SLCO3A1: variants seen among roughly 807,000 people sequenced by gnomAD.
SLCO3A1 encodes solute carrier organic anion transporter family member 3A1.
Under a neutral mutation model 63.1 loss-of-function variants are expected in SLCO3A1, and 27 were observed. The ratio of observed to expected loss-of-function variants is 0.43; its 90% confidence interval spans 0.32 to 0.59. The LOEUF is 0.59. Among genes scored for constraint, SLCO3A1 ranks in the 20% least tolerant of loss-of-function variants. The pLI is 0.09. For missense variants in SLCO3A1, 773 were observed against 945.8 expected, an observed-to-expected ratio of 0.82 and a Z score of 2.40; for synonymous variants, 473 against 409.9, an observed-to-expected ratio of 1.15 and a Z score of -1.86.
chr15:91,959,519 C>T (rs922015336), intron 2 of SLCO3A1, among the ~76,000 whole-genome samples: 4 of 151,756 alleles, frequency 2.6e-5, no homozygotes, highest in Non-Finnish European at 4.4e-5. Context: ...CGCCTGAGGT[C>T]GGGAATTTGA....
rs1007007214 is a variant in SLCO3A1 at position 91,957,302 on chromosome 15, C to T, written c.646+40844C>T. Among the ~76,000 whole-genome samples the T allele has an allele frequency of 1.0e-4, 15 of 147,688 alleles. No homozygotes were observed. The Admixed American group carries it at 1.1e-3, about 10-fold the overall frequency. ...CCTTGACTTCTAACTGAAAACCCTT[C>T]TGTCTCTTCTGTAGATTTCAGCCGC... On this transcript the variant is annotated intron_variant, in intron 2 of 9. Coordinates refer to ENST00000318445, the MANE Select transcript of SLCO3A1 (RefSeq NM_013272.4).
In SLCO3A1 at chr15:91,916,606, G is replaced by A; in HGVS notation, c.646+148G>A. 1 of 648,116 alleles carries A rather than the reference G, an allele frequency of 1.5e-6. No homozygotes were observed. The highest frequency in any genetic ancestry group is 2.6e-6 in the Non-Finnish European group (1 of 389,298). The allele number at this position is 648,116 out of a possible 1,614,324, so 40.1% of individuals were successfully genotyped here. On this transcript the variant is annotated intron_variant, in intron 2 of 9. Transcript: ENST00000318445. The surrounding 1 kb of genome is among the most constrained non-coding windows in gnomAD (Gnocchi z 6.2). ...TTCTTGAAAAATACTCATGCCTGGG[G>A]GTGCAACCTGGGCATTGAGACGTTT... is the stretch of plus-strand genomic sequence containing the variant.
chr15:92,164,660 T>C lies in SLCO3A1; in HGVS notation c.*1525T>C. On this transcript the variant is annotated 3_prime_UTR_variant, in exon 10 of 10. Coordinates refer to ENST00000318445, the MANE Select transcript of SLCO3A1 (RefSeq NM_013272.4). ...ACAAGCTCCTGGAAGCTGTCGTGTG[T>C]CCAATGCGTGAAAATGTCTGTGACA... 2.0e-6 allele frequency: 2 copies of C among 985,368 alleles called. No individual in the cohort carries two copies. The highest frequency in any genetic ancestry group is 2.4e-6 in the Non-Finnish European group (2 of 829,922). The allele number at this position is 985,368 out of a possible 1,614,324, so 61.0% of individuals were successfully genotyped here.
At chr15:92,148,110 A>AG (rs1445334309) in intron 8 of SLCO3A1, among the ~76,000 whole-genome samples, 1 of 152,218 alleles carries the variant, frequency 6.6e-6, no homozygotes, top group Non-Finnish European at 1.5e-5. Context: ...TGGGAGGCTG[A>AG]GGCAGGAGAA....
intron 2 of SLCO3A1, among the ~76,000 whole-genome samples, chr15:92,000,010 T>C (rs927066315): frequency 6.6e-6 from 1 of 152,212 alleles, no homozygotes; most frequent in African/African-American, 2.4e-5. Flanking sequence ...ATGTATAAGA[T>C]AGAATACTAT....
rs745409648 is a variant in SLCO3A1, at chr15:91,916,422, G to C, written c.610G>C (p.Asp204His). Residue 204 changes from aspartate to histidine, a missense_variant, in exon 2 of 10, where the codon GAC becomes CAC. Around this residue, in one of 3 missense-constraint regions of SLCO3A1, gnomAD observed 565 missense variants for 749.8 expected, o/e 0.75. Coordinates refer to ENST00000318445, the MANE Select transcript of SLCO3A1 (RefSeq NM_013272.4). This position sits in a 1 kb window ranked among gnomAD's most constrained non-coding sequence, Gnocchi z 6.2. ...VQPLGVSYID[D>H]HVRRKDSSLY... The stretch of plus-strand genomic sequence containing the variant: ...GCCCCTGGGCGTCTCCTACATCGAC[G>C]ACCACGTGCGGAGGAAGGACTCCTC... 1 of 1,612,422 alleles carries C rather than the reference G, an allele frequency of 6.2e-7. No homozygotes were observed. The highest frequency in any genetic ancestry group is 8.5e-7 in the Non-Finnish European group (1 of 1,179,612).
downstream of SLCO3A1, among the ~76,000 whole-genome samples, chr15:92,169,269 G>C (rs886870599): frequency 3.3e-5 from 5 of 152,152 alleles, no homozygotes; most frequent in African/African-American, 1.2e-4. Context: ...TCAAACCCAG[G>C]TCTGTGAAAA....
At chr15:92,060,739 A>G (rs544091604) in intron 2 of SLCO3A1, among the ~76,000 whole-genome samples, 2 of 152,170 alleles carry the variant, frequency 1.3e-5, no homozygotes, top group South Asian at 4.1e-4. Flanking sequence ...AGCTCAGGCA[A>G]TCTGCCCGCC....
chr15:92,015,273 A>G (rs2046412607), intron 2 of SLCO3A1, among the ~76,000 whole-genome samples: 1 of 152,266 alleles, frequency 6.6e-6, no homozygotes, highest in Admixed American at 6.5e-5. Context: ...ATACTACCTC[A>G]GACTGGGTAA....
At chr15:91,951,522 G>T (rs186154050) in intron 2 of SLCO3A1, among the ~76,000 whole-genome samples, 21 of 149,744 alleles carry the variant, frequency 1.4e-4, no homozygotes, top group Admixed American at 5.3e-4. Flanking sequence ...GATCACTCGT[G>T]TATAATTTTC....
rs904255958 is a variant in SLCO3A1 at position 92,164,559 on chromosome 15, G to A, written c.*1424G>A. 2.7e-5 allele frequency: 27 copies of A among 985,108 alleles called. No individual in the cohort carries two copies. The African/African-American group carries it at 3.2e-4, about 11-fold the overall frequency. The allele number at this position is 985,108 out of a possible 1,614,324, so 61.0% of individuals were successfully genotyped here. A position where few individuals can be genotyped will look rare whatever the true frequency, so the allele number is the denominator to read the frequency against. On this transcript the variant is annotated 3_prime_UTR_variant, in exon 10 of 10. Transcript: ENST00000318445. ...TTGTGTGTATGGGTGCAACACTTCC[G>A]GGGATAGGAAAGAAGAACAGTTCCC...
intron 9 of SLCO3A1, among the ~76,000 whole-genome samples, chr15:92,158,299 A>G (rs956972871): frequency 1.3e-5 from 2 of 152,160 alleles, no homozygotes; most frequent in African/African-American, 4.8e-5. Flanking sequence ...GGGTAAATAA[A>G]ATGTTCTCTG....
rs1408181079 is a variant in SLCO3A1, at chr15:91,912,352, C to T, written c.181-3641C>T. On this transcript the variant is annotated intron_variant, in intron 1 of 9. Transcript: ENST00000318445. The surrounding 1 kb of genome is among the most constrained non-coding windows in gnomAD (Gnocchi z 5.0). ...ATTTCAGAATCTTTGCATGACTTCC[C>T]AGACTGGCATTGCAGCCCAGCAGAA... Among the ~76,000 whole-genome samples the T allele has an allele frequency of 1.3e-5, 2 of 152,156 alleles. No homozygotes were observed. The highest frequency in any genetic ancestry group is 2.9e-5 in the Non-Finnish European group (2 of 68,028).
intron 2 of SLCO3A1, among the ~76,000 whole-genome samples, chr15:92,060,857 C>G (rs2047078903): frequency 6.6e-6 from 1 of 152,090 alleles, no homozygotes. Flanking sequence ...TTGTTAAAAA[C>G]TAAGATAAAA....
At chr15:92,110,998 G>A (rs2047722363) in intron 4 of SLCO3A1, among the ~76,000 whole-genome samples, 3 of 152,178 alleles carry the variant, frequency 2.0e-5, no homozygotes, top group Admixed American at 2.0e-4. Context: ...GCCAGCCCTG[G>A]TGCCAAAACT....
chr15:91,981,633 A>G (rs553735198), intron 2 of SLCO3A1, among the ~76,000 whole-genome samples: 17 of 152,272 alleles, frequency 1.1e-4, no homozygotes, highest in Non-Finnish European at 1.8e-4. Flanking sequence ...AAAATTTCAC[A>G]AACTACCCCT....
chr15:91,981,643 TC>T (rs1194279590), intron 2 of SLCO3A1, among the ~76,000 whole-genome samples: 5 of 152,034 alleles, frequency 3.3e-5, no homozygotes, highest in African/African-American at 1.2e-4. Flanking sequence ...AAACTACCCC[TC>T]CCTTTGGGCC....
chr15:92,091,640 A>G (rs2047478313), intron 2 of SLCO3A1, among the ~76,000 whole-genome samples: 1 of 152,150 alleles, frequency 6.6e-6, no homozygotes, highest in Non-Finnish European at 1.5e-5. Flanking sequence ...ACGTCCCACC[A>G]CCGGACTGTC....
intron 7 of SLCO3A1, 152 bp downstream of exon 7, chr15:92,128,641 GGACT>G (rs1370126406): frequency 4.4e-6 from 3 of 680,470 alleles, no homozygotes; most frequent in Non-Finnish European, 7.2e-6. Flanking sequence ...CAGGATGAGA[GGACT>G]GATTCAGGTC....
Sources: gnomAD v4.1 joint callset for allele counts (sites outside exome capture counted in the v4.1 genomes callset) on GRCh38, gnomAD v4.1.1 for gene constraint, gnomAD v4.1.1 regional missense constraint, Gnocchi (gnomAD v3.1) non-coding constraint, MANE v1.5 for transcripts, NCBI Gene and HGNC (gene_info 2026-07-23, HGNC 2026-07-21) for gene names.